Variants in LZTS3 observed in about 807,000 individuals in gnomAD.
LZTS3 encodes the protein leucine zipper putative tumor suppressor 3.
Under a neutral mutation model 50.9 loss-of-function variants are expected in LZTS3, and 16 were observed. The observed-to-expected ratio is 0.31, with a 90% confidence interval of 0.21 to 0.48. The LOEUF (loss-of-function observed/expected upper bound fraction) is 0.48, where lower values mean the gene tolerates loss of function less well. LZTS3 is among the 20% of genes least tolerant of loss of function. The pLI is 0.99. For synonymous variants in LZTS3, 408 were observed against 410.6 expected (o/e 0.99, Z 0.08); for missense variants, 816 against 931.0 (o/e 0.88, Z 1.61).
rs375467883 is a variant in LZTS3, at chr20:3,169,574, A to T, written c.-242-1613T>A. 7.2e-5 allele frequency among the ~76,000 whole-genome samples: 11 copies of T among 152,292 alleles called. No homozygotes were observed. The East Asian group carries it at 1.5e-3, about 21-fold the overall frequency. ...TTGCTTTGGGAAACACCAGAGGAAG[A>T]TACCTCTCAAGCACTAAATGGAGGC... On this transcript the variant is annotated intron_variant, in intron 1 of 4. Transcript: ENST00000337576.
rs753629905 is a variant in LZTS3 at position 3,166,402 on chromosome 20, C to T, written c.460-42G>A. ...AGGGGGCTGGGGGTCAGGATGAGGC[C>T]TTGGGCTTGGCCCAGGCTCTTCCCT... On this transcript the variant is annotated intron_variant, in intron 3 of 4. Coordinates refer to ENST00000337576, the MANE Select transcript of LZTS3 (RefSeq NM_001365618.1). 5.2e-6 allele frequency: 8 copies of T among 1,552,032 alleles called. No homozygotes were observed. In the South Asian group the frequency reaches 7.5e-5, roughly 14 times the overall value.
chr20:3,173,205 G>C (rs896070962), intron 1 of LZTS3, among the ~76,000 whole-genome samples: 2 of 152,126 alleles, frequency 1.3e-5, no homozygotes, highest in African/African-American at 4.8e-5. Context: ...TGTGGCCCCG[G>C]GGGGCGGGGC....
chr20:3,170,414 G>C (rs559980389), intron 1 of LZTS3, among the ~76,000 whole-genome samples: 1 of 142,046 alleles, frequency 7.0e-6, no homozygotes, highest in African/African-American at 2.7e-5. Context: ...ACTGGAACCC[G>C]GGAGGCAGAA....
chr20:3,164,273 C>T lies in LZTS3; in HGVS notation c.*181G>A, dbSNP rs1247507965. 3 of 579,828 alleles carry T rather than the reference C, an allele frequency of 5.2e-6. No homozygotes were observed. The highest frequency in any genetic ancestry group is 8.1e-6 in the Non-Finnish European group (3 of 368,894). 35.9% of individuals were successfully genotyped at this position (579,828 alleles called of 1,614,324 possible). ...TTAGGGGGGTCCAAGTGGGCTGCCA[C>T]GGGGGCAGTGCTGGAGCTAGGAGGG... is the stretch of plus-strand genomic sequence containing the variant. On this transcript the variant is annotated 3_prime_UTR_variant, in exon 5 of 5. Transcript: ENST00000337576.
rs772472534 is a variant in LZTS3, at chr20:3,166,694, T to A, written c.459+11A>T. 6.2e-7 allele frequency: 1 copy of A among 1,609,112 alleles called. No individual in the cohort carries two copies. Among genetic ancestry groups the A allele is most frequent in the Non-Finnish European group, 8.5e-7 (1 of 1,176,146 alleles). ...AAAAGGCTGTGAGGGTCTCAGGCCC[T>A]GCGGACTGACCTGGTCTAGCTTGCC... On this transcript the variant is annotated intron_variant, in intron 3 of 4. Transcript: ENST00000337576.
At position 3,166,853 on chromosome 20, in the gene LZTS3, C is replaced by T. The variant is rs369777445; in HGVS notation, c.311G>A (p.Arg104Gln). Residue 104 changes from arginine (R) to glutamine (Q), a missense_variant, in exon 3 of 5, where the codon CGG (arginine) becomes CAG (glutamine). Physicochemically the swap from Arg to Gln is conservative, Grantham distance 43. This residue lies in a region of LZTS3 where 700 missense variants were observed against 769.4 expected (regional missense o/e 0.91). Coordinates refer to ENST00000337576, the MANE Select transcript of LZTS3 (RefSeq NM_001365618.1). ...ANSLYLNGEL[R>Q]GSDHTDVCGN... is the part of the protein sequence containing the mutation. ...ACAGACATCGGTGTGGTCACTGCCCCGCAGCTCACCATTGAGGTAGAGGGA... is the reference window on the plus strand; with the variant it reads ...ACAGACATCGGTGTGGTCACTGCCCTGCAGCTCACCATTGAGGTAGAGGGA... 44 of 1,613,740 alleles carry T rather than the reference C, an allele frequency of 2.7e-5. No individual in the cohort carries two copies. Among genetic ancestry groups the T allele is most frequent in the East Asian group, 1.8e-4 (8 of 44,886 alleles).
At position 3,170,713 on chromosome 20, in the gene LZTS3, A is replaced by C. The variant is rs1372667538; in HGVS notation, c.-243+2742T>G. 3.3e-5 allele frequency among the ~76,000 whole-genome samples: 5 copies of C among 152,192 alleles called. No homozygotes were observed. The East Asian group carries it at 5.8e-4, about 18-fold the overall frequency. On this transcript the variant is annotated intron_variant, in intron 1 of 4. Transcript: ENST00000337576. The stretch of plus-strand genomic sequence containing the variant: ...GAGGCTGAGGCGGGAGAATGGCTTG[A>C]ACCCAGGAGGTGGAGGTTGCAGTGA...
At position 3,164,797 on chromosome 20, in the gene LZTS3, C is replaced by G; in HGVS notation, c.1679G>C (p.Gly560Ala). ...AAAASLVSVD[G>A]EAEAGGESGT... ...GCTCTCCCCGCCAGCCTCCGCCTCCCCGTCCACGGAAACCAAGGAGGCGGC... is the reference window on the plus strand; with the variant it reads ...GCTCTCCCCGCCAGCCTCCGCCTCCGCGTCCACGGAAACCAAGGAGGCGGC... The change falls in exon 5 of 5, where the codon GGG (glycine) becomes GCG (alanine). Residue 560 changes from glycine (G) to alanine (A), a missense_variant. Around this residue, in one of 3 missense-constraint regions of LZTS3, gnomAD observed 700 missense variants for 769.4 expected, o/e 0.91. Transcript: ENST00000337576. The G allele has an allele frequency of 1.3e-6, 2 of 1,534,128 alleles. No individual in the cohort carries two copies. Among genetic ancestry groups the G allele is most frequent in the South Asian group, 1.2e-5 (1 of 82,882 alleles).
chr20:3,167,567 T>C, intron 2 of LZTS3, 171 bp downstream of exon 2: 1 of 1,010,094 alleles, frequency 9.9e-7, no homozygotes, highest in African/African-American at 1.7e-5. Context: ...TGGGGTTCTT[T>C]ATCTTGGGTC....
chr20:3,167,207 G>A, intron 2 of LZTS3, 26 bp from the exon 3 acceptor site: 2 of 1,437,150 alleles, frequency 1.4e-6, no homozygotes, highest in Non-Finnish European at 1.8e-6. Context: ...GGAAGGCAGA[G>A]ATAGGTAAGA....
In LZTS3 at chr20:3,165,397, C is replaced by CGCT; in HGVS notation, c.1323+99_1323+100insAGC. 2 of 1,173,844 alleles carry CGCT rather than the reference C, an allele frequency of 1.7e-6. 1 individual carries two copies. The highest frequency in any genetic ancestry group is 2.3e-6 in the Non-Finnish European group (2 of 865,788). 72.7% of individuals were successfully genotyped at this position (1,173,844 alleles called of 1,614,324 possible). A position where few individuals can be genotyped will look rare whatever the true frequency, so the allele number is the denominator to read the frequency against. On this transcript the variant is annotated intron_variant, in intron 4 of 4. Transcript: ENST00000337576. This position sits in a 1 kb window ranked among gnomAD's most constrained non-coding sequence, Gnocchi z 5.0. The stretch of plus-strand genomic sequence containing the variant: ...TGTCCCCCCTGCTCCTTTCATCCCC[C>CGCT]CCCCCATCCCACCGTTATGATAGTG...
At position 3,165,446 on chromosome 20, in the gene LZTS3, C is replaced by T; in HGVS notation, c.1323+51G>A. On this transcript the variant is annotated intron_variant, in intron 4 of 4. Transcript: ENST00000337576. This position sits in a 1 kb window ranked among gnomAD's most constrained non-coding sequence, Gnocchi z 5.0. Reference sequence around the variant, plus strand: ...TGAGGGGCAACTGCTCTGGGGTTTCCCAGAGGGACAGAAGGGAGGCAGAGG... The same window carrying T: ...TGAGGGGCAACTGCTCTGGGGTTTCTCAGAGGGACAGAAGGGAGGCAGAGG... 7 of 1,383,612 alleles carry T rather than the reference C, an allele frequency of 5.1e-6. No individual in the cohort carries two copies. Among genetic ancestry groups the T allele is most frequent in the South Asian group, 1.3e-5 (1 of 74,344 alleles). 85.7% of individuals were successfully genotyped at this position (1,383,612 alleles called of 1,614,324 possible). A position where few individuals can be genotyped will look rare whatever the true frequency, so the allele number is the denominator to read the frequency against.
chr20:3,170,503 A>AAAAAAAAG (rs1252123693), intron 1 of LZTS3, among the ~76,000 whole-genome samples: 1 of 150,084 alleles, frequency 6.7e-6, no homozygotes, highest in East Asian at 2.0e-4. Context: ...AAAAAAAAAA[A>AAAAAAAAG]AAACAGGTTG....
rs778679969 is a variant in LZTS3 at position 3,166,657 on chromosome 20, C to T, written c.459+48G>A. ...CTTTGCCTTCCTCTCTGGGTTGCCT[C>T]CCACCCCCAGAAAAAGGCTGTGAGG... On this transcript the variant is annotated intron_variant, in intron 3 of 4. Transcript: ENST00000337576. 15 of 1,585,580 alleles carry T rather than the reference C, an allele frequency of 9.5e-6. No individual in the cohort carries two copies. In the East Asian group the frequency reaches 1.4e-4, roughly 14 times the overall value.
rs1361965191 is a variant in LZTS3 at position 3,167,912 on chromosome 20, C to T, written c.-193G>A. 3.1e-6 allele frequency: 3 copies of T among 970,502 alleles called. No individual in the cohort carries two copies. The highest frequency in any genetic ancestry group is 1.2e-6 in the Non-Finnish European group (1 of 816,368). 60.1% of individuals were successfully genotyped at this position (970,502 alleles called of 1,614,324 possible). The stretch of plus-strand genomic sequence containing the variant: ...GTCGGGGCTCGGCCCGAACCAGCTG[C>T]GCGACTTTGGAGGGGCCGACTGAGC... On this transcript the variant is annotated 5_prime_UTR_variant, in exon 2 of 5. Coordinates refer to ENST00000337576, the MANE Select transcript of LZTS3 (RefSeq NM_001365618.1).
In LZTS3 at chr20:3,167,070, C is replaced by A; in HGVS notation, c.94G>T (p.Asp32Tyr). The change falls in exon 3 of 5, where the codon GAC becomes TAC. Residue 32 changes from aspartate (D) to tyrosine (Y), a missense_variant. By Grantham distance (160) the Asp-to-Tyr change is radical. This residue lies in a region of LZTS3 where 700 missense variants were observed against 769.4 expected (regional missense o/e 0.91). Coordinates refer to ENST00000337576, the MANE Select transcript of LZTS3 (RefSeq NM_001365618.1). Reference sequence around the variant, plus strand: ...ACGCTGCCCATGGCCAGGCGGGGGTCCGGGGGTCCAAGCTCGGAGGGCCGT... The same window carrying A: ...ACGCTGCCCATGGCCAGGCGGGGGTACGGGGGTCCAAGCTCGGAGGGCCGT... ...APRPSELGPP[D>Y]PRLAMGSVGS... The A allele has an allele frequency of 6.4e-7, 1 of 1,554,266 alleles. No homozygotes were observed.
In LZTS3 at chr20:3,165,857, G is replaced by A. The variant is rs1363682563; in HGVS notation, c.963C>T (p.Ile321=). Residue 321 remains isoleucine, a synonymous_variant, in exon 4 of 5, where the codon ATC becomes ATT. Transcript: ENST00000337576. The surrounding 1 kb of genome is among the most constrained non-coding windows in gnomAD (Gnocchi z 5.0). ...ACSPPSPSAL[I]QELEERLWEK... is the part of the protein sequence containing the mutation. The stretch of plus-strand genomic sequence containing the variant: ...CCCACAGCCGCTCCTCCAGCTCCTG[G>A]ATGAGTGCACTGGGGGAGGGCGGTG... 1 of 1,606,004 alleles carries A rather than the reference G, an allele frequency of 6.2e-7. No individual in the cohort carries two copies. The highest frequency in any genetic ancestry group is 1.3e-5 in the African/African-American group (1 of 75,046).
chr20:3,165,282 G>T lies in LZTS3; in HGVS notation c.1324-130C>A. The T allele has an allele frequency of 3.4e-6, 4 of 1,170,732 alleles. No individual in the cohort carries two copies. Among genetic ancestry groups the T allele is most frequent in the Non-Finnish European group, 3.5e-6 (3 of 860,164 alleles). The allele number at this position is 1,170,732 out of a possible 1,614,324, so 72.5% of individuals were successfully genotyped here. Reference sequence around the variant, plus strand: ...GCAGGCTCAGCCCCTCATCAGCAGCGACGCACCCGATTCCCTGCCTGGACT... The same window carrying T: ...GCAGGCTCAGCCCCTCATCAGCAGCTACGCACCCGATTCCCTGCCTGGACT... On this transcript the variant is annotated intron_variant, in intron 4 of 4. Transcript: ENST00000337576. The surrounding 1 kb of genome is among the most constrained non-coding windows in gnomAD (Gnocchi z 5.0).
chr20:3,166,138 G>A lies in LZTS3; in HGVS notation c.682C>T (p.Pro228Ser), dbSNP rs890168838. 1.2e-6 allele frequency: 2 copies of A among 1,613,346 alleles called. No individual in the cohort carries two copies. Among genetic ancestry groups the A allele is most frequent in the Non-Finnish European group, 1.7e-6 (2 of 1,179,596 alleles). Residue 228 changes from proline (P) to serine (S), a missense_variant, in exon 4 of 5, where the codon CCC becomes TCC. Pro to Ser is a moderately conservative substitution (Grantham distance 74). Transcript: ENST00000337576. ...DSGRNSLTSL[P>S]TYSSSYSQHL... is the part of the protein sequence containing the mutation. ...TGGCTGTAGCTGGAGCTGTAGGTGG[G>A]CAGGCTTGTGAGGGAGTTCCGGCCT...
Sources: gnomAD v4.1 joint callset for allele counts (sites outside exome capture counted in the v4.1 genomes callset) on GRCh38, gnomAD v4.1.1 for gene constraint, gnomAD v4.1.1 regional missense constraint, Gnocchi (gnomAD v3.1) non-coding constraint, MANE v1.5 for transcripts, NCBI Gene and HGNC (gene_info 2026-07-23, HGNC 2026-07-21) for gene names.